Variants in NEURL1B observed in about 807,000 individuals in gnomAD.
NEURL1B encodes neuralized E3 ubiquitin protein ligase 1B.
NEURL1B carries 13 observed loss-of-function variants against 37.4 expected under a neutral mutation model. That is an observed-to-expected ratio of 0.35 (90% confidence interval 0.23 to 0.55). The LOEUF is 0.55. NEURL1B is among the 20% of genes least tolerant of loss of function. The pLI, the probability that NEURL1B is intolerant of heterozygous loss-of-function variation, is 0.89. For synonymous variants in NEURL1B, 432 were observed against 426.6 expected, an observed-to-expected ratio of 1.01 and a Z score of -0.16; for missense variants, 790 against 879.2, an observed-to-expected ratio of 0.90 and a Z score of 1.28.
At chr5:172,678,348 T>C (rs1301453817) in intron 2 of NEURL1B, among the ~76,000 whole-genome samples, 2 of 152,208 alleles carry the variant, frequency 1.3e-5, no homozygotes, top group Non-Finnish European at 2.9e-5. Flanking sequence ...ATCTAGACTG[T>C]TGACTCCCAA....
At position 172,683,238 on chromosome 5, in the gene NEURL1B, C is replaced by T. The variant is rs115793544; in HGVS notation, c.578-181C>T. 0.012 allele frequency among the ~76,000 whole-genome samples: 1,780 copies of T among 152,250 alleles called. 15 individuals are homozygous for T. The highest frequency in any genetic ancestry group is 0.017 in the Non-Finnish European group (1,182 of 68,020). ...ATGGTGCTTAATGCAATTCTGTGCT[C>T]CTGTGACTCACTAAATAACACAGAT... On this transcript the variant is annotated intron_variant, in intron 2 of 4. Transcript: ENST00000369800. The surrounding 1 kb of genome is among the most constrained non-coding windows in gnomAD (Gnocchi z 5.6).
At position 172,669,957 on chromosome 5, in the gene NEURL1B, C is replaced by T. The variant is rs1454466206; in HGVS notation, c.204C>T (p.Gly68=). The change falls in exon 2 of 5, where the codon GGC becomes GGT. Residue 68 remains glycine (G), a synonymous_variant. Coordinates refer to ENST00000369800, the MANE Select transcript of NEURL1B (RefSeq NM_001142651.3). ...CACGGCGCAACAGCTTCTGCAATGG[C>T]GTCACGTTCACGCAGCGGCCCATCC... ...RATRRNSFCN[G]VTFTQRPIRL... The T allele has an allele frequency of 6.9e-7, 1 of 1,455,222 alleles. No homozygotes were observed. The highest frequency in any genetic ancestry group is 2.8e-5 in the East Asian group (1 of 35,996). 90.1% of individuals were successfully genotyped at this position (1,455,222 alleles called of 1,614,324 possible). A position where few individuals can be genotyped will look rare whatever the true frequency, so the allele number is the denominator to read the frequency against.
Position 172,690,528 on chromosome 5 carries a change from GTA to G in NEURL1B, c.*3604_*3605del, listed in dbSNP as rs1313244139. On this transcript the variant is annotated 3_prime_UTR_variant, in exon 5 of 5. Transcript: ENST00000369800. ...TCCAGAAACATTTGCTGAGTACCTA[GTA>G]CGTGTGAGGTGCTGTGAGGATAGAG... The G allele has an allele frequency of 2.0e-5, 3 of 152,280 alleles. No individual in the cohort carries two copies. The highest frequency in any genetic ancestry group is 7.2e-5 in the African/African-American group (3 of 41,456). The allele number at this position is 152,280 out of a possible 1,614,324, so 9.4% of individuals were successfully genotyped here.
intron 1 of NEURL1B, among the ~76,000 whole-genome samples, chr5:172,649,909 A>G (rs1013676797): frequency 3.3e-5 from 5 of 151,970 alleles, no homozygotes; most frequent in African/African-American, 9.7e-5. Flanking sequence ...TTCTCCTTTC[A>G]TCTTATTACC....
At chr5:172,681,913 T>C (rs1224975273) in intron 2 of NEURL1B, among the ~76,000 whole-genome samples, 1 of 152,250 alleles carries the variant, frequency 6.6e-6, no homozygotes, top group Non-Finnish European at 1.5e-5. Flanking sequence ...ACAAAAATGT[T>C]TGTATCACTA....
At chr5:172,664,233 T>C (rs556244347) in intron 1 of NEURL1B, among the ~76,000 whole-genome samples, 154 of 152,230 alleles carry the variant, frequency 1.0e-3, no homozygotes, top group African/African-American at 3.4e-3. Flanking sequence ...GCTGGGGTCA[T>C]ATCTCAACGC....
Position 172,641,301 on chromosome 5 carries a change from T to C in NEURL1B, c.-106T>C. ...CCGCCCGCCGGCTCGCCCGTGCAGC[T>C]GCGATGCCCCGGAGCGTCGACCCCG... On this transcript the variant is annotated 5_prime_UTR_variant, in exon 1 of 5. Coordinates refer to ENST00000369800, the MANE Select transcript of NEURL1B (RefSeq NM_001142651.3). The surrounding 1 kb of genome is among the most constrained non-coding windows in gnomAD (Gnocchi z 6.4). 1.9e-6 allele frequency: 2 copies of C among 1,052,580 alleles called. No homozygotes were observed. The highest frequency in any genetic ancestry group is 2.4e-6 in the Non-Finnish European group (2 of 829,718). The allele number at this position is 1,052,580 out of a possible 1,614,324, so 65.2% of individuals were successfully genotyped here.
chr5:172,670,381 G>A (rs1252178842), intron 2 of NEURL1B, 51 bp downstream of exon 2: 7 of 1,301,086 alleles, frequency 5.4e-6, no homozygotes, highest in Non-Finnish European at 6.9e-6. Context: ...GTGCCTTTGC[G>A]CGTGGGTGTG....
intron 1 of NEURL1B, among the ~76,000 whole-genome samples, chr5:172,666,195 C>A (rs1474487952): frequency 2.7e-5 from 4 of 146,610 alleles, no homozygotes; most frequent in African/African-American, 1.0e-4. Context: ...ACCACCACCA[C>A]CACCAAAAAA....
intron 2 of NEURL1B, among the ~76,000 whole-genome samples, chr5:172,678,126 C>T (rs755670547): frequency 6.6e-6 from 1 of 152,178 alleles, no homozygotes; most frequent in South Asian, 2.1e-4. Context: ...TTCCTGGCCA[C>T]CCCTCGCCCT....
intron 1 of NEURL1B, among the ~76,000 whole-genome samples, chr5:172,643,763 G>A (rs1440684373): frequency 6.6e-6 from 1 of 152,182 alleles, no homozygotes; most frequent in Non-Finnish European, 1.5e-5. Flanking sequence ...TCAGGAAAAG[G>A]ACACATGCGT....
intron 1 of NEURL1B, among the ~76,000 whole-genome samples, chr5:172,662,799 ACCACCCACAGACACTCATCAC>A (rs532094963): frequency 0.017 from 2,519 of 152,042 alleles, 28 homozygotes; most frequent in Middle Eastern, 0.027. Context: ...CTCCTCCCTA[ACCACCCACAGACACTCATCAC>A]CCACCCTCCA....
rs1245598443 is a variant in NEURL1B, at chr5:172,690,630, T to G, written c.*3705T>G. On this transcript the variant is annotated 3_prime_UTR_variant, in exon 5 of 5. Transcript: ENST00000369800. ...GGGAAATGAGATATTTGGGGCAGAATCCACTGGGCTCTCTTGGCCATCCGC... is the reference window on the plus strand; with the variant it reads ...GGGAAATGAGATATTTGGGGCAGAAGCCACTGGGCTCTCTTGGCCATCCGC... 1 of 152,234 alleles carries G rather than the reference T, an allele frequency of 6.6e-6. No homozygotes were observed. Among genetic ancestry groups the G allele is most frequent in the Non-Finnish European group, 1.5e-5 (1 of 68,088 alleles). 9.4% of individuals were successfully genotyped at this position (152,234 alleles called of 1,614,324 possible). A position where few individuals can be genotyped will look rare whatever the true frequency, so the allele number is the denominator to read the frequency against.
intron 1 of NEURL1B, chr5:172,656,415 C>T: frequency 1.3e-6 from 1 of 798,266 alleles, no homozygotes; most frequent in Non-Finnish European, 2.0e-6. Flanking sequence ...CAAGACAACA[C>T]TTAATTCCAG....
intron 1 of NEURL1B, among the ~76,000 whole-genome samples, chr5:172,658,512 C>T (rs920280929): frequency 6.6e-6 from 1 of 152,160 alleles, no homozygotes; most frequent in African/African-American, 2.4e-5. Context: ...TCCTGGGGGG[C>T]CTCAGAGCCG....
At chr5:172,681,065 G>T (rs1758342844) in intron 2 of NEURL1B, among the ~76,000 whole-genome samples, 1 of 152,176 alleles carries the variant, frequency 6.6e-6, no homozygotes, top group Non-Finnish European at 1.5e-5. Context: ...CGGCCAGAGA[G>T]GGAGGAAGAG....
At chr5:172,646,766 A>G (rs963410566) in intron 1 of NEURL1B, among the ~76,000 whole-genome samples, 8 of 152,132 alleles carry the variant, frequency 5.3e-5, no homozygotes, top group Admixed American at 2.0e-4. Context: ...CGCTCTGTCT[A>G]GCTGAGCCCG....
intron 2 of NEURL1B, among the ~76,000 whole-genome samples, chr5:172,680,650 C>A (rs188678577): frequency 1.3e-5 from 2 of 152,010 alleles, no homozygotes; most frequent in African/African-American, 4.8e-5. Context: ...AACTAGAAAA[C>A]TATAAGAAGC....
Position 172,683,886 on chromosome 5 carries a change from G to A in NEURL1B, c.1045G>A (p.Val349Met). 1 of 1,410,920 alleles carries A rather than the reference G, an allele frequency of 7.1e-7. No homozygotes were observed. The highest frequency in any genetic ancestry group is 9.3e-7 in the Non-Finnish European group (1 of 1,077,482). 87.4% of individuals were successfully genotyped at this position (1,410,920 alleles called of 1,614,324 possible). ...CGGCATCACGTCGTGCGACCCGGGCGTGCTACGGCCCAACGAGCTGCCCGC... is the reference window on the plus strand; with the variant it reads ...CGGCATCACGTCGTGCGACCCGGGCATGCTACGGCCCAACGAGCTGCCCGC... ...AFGITSCDPG[V>M]LRPNELPADP... The change falls in exon 3 of 5, where the codon GTG (valine) becomes ATG (methionine). Residue 349 changes from valine (V) to methionine (M), a missense_variant. Val to Met is a conservative substitution (Grantham distance 21, BLOSUM62 1). Coordinates refer to ENST00000369800, the MANE Select transcript of NEURL1B (RefSeq NM_001142651.3). This position sits in a 1 kb window ranked among gnomAD's most constrained non-coding sequence, Gnocchi z 5.6.
Sources: allele counts gnomAD v4.1 joint callset (sites outside exome capture counted in the v4.1 genomes callset), GRCh38; gene constraint gnomAD v4.1.1; non-coding constraint Gnocchi (gnomAD v3.1); transcripts MANE v1.5; gene names NCBI Gene and HGNC (gene_info 2026-07-23, HGNC 2026-07-21).